Variants in ZBTB7B observed in about 807,000 individuals in gnomAD.
The protein encoded by ZBTB7B is zinc finger and BTB domain-containing protein 7B.
In ZBTB7B, 8 loss-of-function variants were observed where a neutral mutation model predicts 31.0. That is an observed-to-expected ratio of 0.26 (90% CI 0.15 to 0.47). The LOEUF (loss-of-function observed/expected upper bound fraction) is 0.47. Ranked by LOEUF, ZBTB7B falls within the 20% of genes least tolerant of loss-of-function variation. The pLI is 0.99. For missense variants in ZBTB7B, 494 were observed against 742.4 expected (o/e 0.67, Z 3.89); for synonymous variants, 261 against 307.3 (o/e 0.85, Z 1.58).
Position 155,015,590 on chromosome 1 carries a change from C to G in ZBTB7B, c.930C>G (p.Ile310Met). 1 of 1,613,634 alleles carries G rather than the reference C, an allele frequency of 6.2e-7. No homozygotes were observed. Among genetic ancestry groups the G allele is most frequent in the Non-Finnish European group, 8.5e-7 (1 of 1,179,874 alleles). ...AGCTGGGCTCAGATGAGGATGCCAT[C>G]GATCCTGACCTGATGGCCTACCTAA... is the stretch of plus-strand genomic sequence containing the variant. Reference protein sequence around the residue: ...PEELGSDEDAIDPDLMAYLSS... With the variant: ...PEELGSDEDAMDPDLMAYLSS... Residue 310 changes from isoleucine to methionine, a missense_variant, in exon 2 of 3, where the codon ATC becomes ATG. Coordinates refer to ENST00000535420, the MANE Select transcript of ZBTB7B (RefSeq NM_001256455.2).
At chr1:155,002,391 G>A (rs1658282545), upstream of ZBTB7B, among the ~76,000 whole-genome samples, 1 of 149,306 alleles carries the variant, frequency 6.7e-6, no homozygotes, top group Non-Finnish European at 1.5e-5. Context: ...AAAGAAGGAG[G>A]GAAAGGAGGA....
chr1:155,012,605 C>A (rs79174338), intron 1 of ZBTB7B, among the ~76,000 whole-genome samples: 6,060 of 151,920 alleles, frequency 0.04, 416 homozygotes, highest in African/African-American at 0.14. Context: ...TGCGGACTTA[C>A]GGTGGGAACA....
At chr1:155,012,201 G>A (rs1260230143) in intron 1 of ZBTB7B, among the ~76,000 whole-genome samples, 2 of 151,930 alleles carry the variant, frequency 1.3e-5, no homozygotes, top group African/African-American at 4.8e-5. Context: ...ACCACACCAA[G>A]TTGCCACGGA....
Position 155,017,347 on chromosome 1 carries a change from T to TGGGGGCAGTAGAGGGGGCAGTAGA in ZBTB7B, c.*678_*679insGCAGTAGAGGGGGCAGTAGAGGGG, listed in dbSNP as rs148745415. ...GTGGCCTGATTGGCTCGCCTGCCCC[T>TGGGGGCAGTAGAGGGGGCAGTAGA]GGGGGCAGTAGAGGGGCCCCGCCCA... On this transcript the variant is annotated 3_prime_UTR_variant, in exon 3 of 3. Transcript: ENST00000535420. The TGGGGGCAGTAGAGGGGGCAGTAGA allele has an allele frequency of 0.18, 27,043 of 150,830 alleles. 2,633 individuals carry two copies. The highest frequency in any genetic ancestry group is 0.22 in the Non-Finnish European group (15,162 of 67,440). 9.3% of individuals were successfully genotyped at this position (150,830 alleles called of 1,614,324 possible). A position where few individuals can be genotyped will look rare whatever the true frequency, so the allele number is the denominator to read the frequency against.
Position 155,016,550 on chromosome 1 carries a change from C to T in ZBTB7B, c.1485C>T (p.Arg495=), listed in dbSNP as rs755921426. 6.2e-7 allele frequency: 1 copy of T among 1,614,116 alleles called. No individual in the cohort carries two copies. The highest frequency in any genetic ancestry group is 1.1e-5 in the South Asian group (1 of 91,088). Residue 495 remains arginine (R), a synonymous_variant, in exon 3 of 3, where the codon CGC becomes CGT. Coordinates refer to ENST00000535420, the MANE Select transcript of ZBTB7B (RefSeq NM_001256455.2). The surrounding 1 kb of genome is among the most constrained non-coding windows in gnomAD (Gnocchi z 4.3). ...CCAATGGCCACCTGGACACCTTCCG[C>T]CTCTCTCTAGCTCGATTCTGGGAGC... is the stretch of plus-strand genomic sequence containing the variant. The part of the protein sequence containing the change: ...DLSNGHLDTF[R]LSLARFWEQS...
intron 1 of ZBTB7B, among the ~76,000 whole-genome samples, chr1:155,009,353 C>T (rs979967240): frequency 1.3e-5 from 2 of 149,166 alleles, no homozygotes; most frequent in Non-Finnish European, 3.0e-5. Context: ...CCAGCCAGCT[C>T]GGTTACCCAG....
In ZBTB7B at chr1:155,016,361, C is replaced by T; in HGVS notation, c.1296C>T (p.Cys432=). The T allele has an allele frequency of 6.2e-7, 1 of 1,614,134 alleles. No individual in the cohort carries two copies. Among genetic ancestry groups the T allele is most frequent in the Non-Finnish European group, 8.5e-7 (1 of 1,180,006 alleles). ...HLHTGDRPYE[C]HLCHKAFAKE... Reference sequence around the variant, plus strand: ...ACACAGGGGACCGGCCCTATGAGTGCCACCTGTGCCACAAGGCTTTCGCCA... The same window carrying T: ...ACACAGGGGACCGGCCCTATGAGTGTCACCTGTGCCACAAGGCTTTCGCCA... Residue 432 remains cysteine, a synonymous_variant, in exon 3 of 3, where the codon TGC becomes TGT. Transcript: ENST00000535420. This position sits in a 1 kb window ranked among gnomAD's most constrained non-coding sequence, Gnocchi z 4.3.
intron 1 of ZBTB7B, chr1:155,010,921 T>A (rs1658924144): frequency 1.3e-6 from 2 of 1,535,464 alleles, no homozygotes; most frequent in Non-Finnish European, 1.7e-6. Flanking sequence ...GGCAGGAAGA[T>A]GTTACAGCCT....
chr1:155,001,984 C>G (rs1343816321), upstream of ZBTB7B, among the ~76,000 whole-genome samples: 1 of 151,922 alleles, frequency 6.6e-6, no homozygotes, highest in Non-Finnish European at 1.5e-5. The surrounding 1 kb of genome is among the most constrained non-coding windows in gnomAD (Gnocchi z 4.8). Context: ...CCAATTCACC[C>G]CCACCCAGCC....
chr1:155,010,562 T>C (rs1403311239), intron 1 of ZBTB7B, among the ~76,000 whole-genome samples: 1 of 152,106 alleles, frequency 6.6e-6, no homozygotes, highest in African/African-American at 2.4e-5. Context: ...AGTCCTCATG[T>C]GAGAAGAGGC....
Position 155,015,234 on chromosome 1 carries a change from C to A in ZBTB7B, c.574C>A (p.Pro192Thr). Reference sequence around the variant, plus strand: ...GGTGCCCCTCCCACCACCTCCGCCACCGCCACCTCGGCCTGTTGCCCGCCG... The same window carrying A: ...GGTGCCCCTCCCACCACCTCCGCCAACGCCACCTCGGCCTGTTGCCCGCCG... ...PQVPLPPPPP[P>T]PPRPVARRSR... Residue 192 changes from proline to threonine, a missense_variant, in exon 2 of 3, where the codon CCG (proline) becomes ACG (threonine). Pro to Thr is a conservative substitution (Grantham distance 38). Transcript: ENST00000535420. 1 of 1,613,796 alleles carries A rather than the reference C, an allele frequency of 6.2e-7. No individual in the cohort carries two copies. Among genetic ancestry groups the A allele is most frequent in the African/African-American group, 1.3e-5 (1 of 75,054 alleles).
At chr1:155,005,170 G>T (rs1407718874) in intron 1 of ZBTB7B, among the ~76,000 whole-genome samples, 1 of 151,988 alleles carries the variant, frequency 6.6e-6, no homozygotes, top group African/African-American at 2.4e-5. Flanking sequence ...TTGTGTGCCT[G>T]CACTTGGCAC....
rs763172313 is a variant in ZBTB7B, at chr1:155,015,332, C to T, written c.672C>T (p.Pro224=). The change falls in exon 2 of 3, where the codon CCC becomes CCT. Residue 224 remains proline (P), a synonymous_variant. Transcript: ENST00000535420. The part of the protein sequence containing the change: ...ARANHLVPEV[P]TVPAHPLTYE... ...CAAACCACCTAGTCCCTGAGGTGCC[C>T]ACAGTGCCCGCCCATCCCTTGACCT... is the stretch of plus-strand genomic sequence containing the variant. 1.0e-5 allele frequency: 16 copies of T among 1,600,386 alleles called. No homozygotes were observed. In the Middle Eastern group the frequency reaches 6.7e-4, roughly 67 times the overall value.
rs1553257676 is a variant in ZBTB7B, at chr1:155,017,354, A to AGTAGAGGGGC, written c.*670_*679dup. 6.6e-6 allele frequency: 1 copy of AGTAGAGGGGC among 152,290 alleles called. No homozygotes were observed. Among genetic ancestry groups the AGTAGAGGGGC allele is most frequent in the East Asian group, 1.9e-4 (1 of 5,176 alleles). The allele number at this position is 152,290 out of a possible 1,614,324, so 9.4% of individuals were successfully genotyped here. ...GATTGGCTCGCCTGCCCCTGGGGGCAGTAGAGGGGCCCCGCCCAGCTAGGG... is the reference window on the plus strand; with the variant it reads ...GATTGGCTCGCCTGCCCCTGGGGGCAGTAGAGGGGCGTAGAGGGGCCCCGCCCAGCTAGGG... On this transcript the variant is annotated 3_prime_UTR_variant, in exon 3 of 3. Coordinates refer to ENST00000535420, the MANE Select transcript of ZBTB7B (RefSeq NM_001256455.2).
intron 1 of ZBTB7B, chr1:155,010,867 C>G (rs1658920074): frequency 1.3e-6 from 2 of 1,490,588 alleles, no homozygotes; most frequent in Admixed American, 3.9e-5. Context: ...CCAGCCAAGG[C>G]ACCAGGAGCG....
chr1:155,013,179 C>G (rs75788594), intron 1 of ZBTB7B, among the ~76,000 whole-genome samples: 5,611 of 152,276 alleles, frequency 0.037, 348 homozygotes, highest in African/African-American at 0.13. Flanking sequence ...TTAACCCTCA[C>G]CACAACCCTA....
In ZBTB7B at chr1:155,002,866, C is replaced by T. The variant is rs979550580; in HGVS notation, c.-84C>T. On this transcript the variant is annotated 5_prime_UTR_variant, in exon 1 of 3. Transcript: ENST00000535420. Reference sequence around the variant, plus strand: ...AGGACCGGAGCAGGGCCCCAAGCCCCCGGGCCTGGTGGGGGACGCGCTTCT... The same window carrying T: ...AGGACCGGAGCAGGGCCCCAAGCCCTCGGGCCTGGTGGGGGACGCGCTTCT... The T allele has an allele frequency of 3.9e-5, 6 of 152,718 alleles. No homozygotes were observed. The highest frequency in any genetic ancestry group is 2.0e-4 in the South Asian group (1 of 5,032). The allele number at this position is 152,718 out of a possible 1,614,324, so 9.5% of individuals were successfully genotyped here. A position where few individuals can be genotyped will look rare whatever the true frequency, so the allele number is the denominator to read the frequency against.
chr1:155,012,340 C>T (rs1035902247), intron 1 of ZBTB7B, among the ~76,000 whole-genome samples: 1 of 151,540 alleles, frequency 6.6e-6, no homozygotes, highest in Non-Finnish European at 1.5e-5. Context: ...CAATGGACAG[C>T]GAGGACAGCC....
In ZBTB7B at chr1:155,003,713, G is replaced by C. The variant is rs759059776; in HGVS notation, c.-7+770G>C. On this transcript the variant is annotated intron_variant, in intron 1 of 2. Coordinates refer to ENST00000535420, the MANE Select transcript of ZBTB7B (RefSeq NM_001256455.2). The surrounding 1 kb of genome is among the most constrained non-coding windows in gnomAD (Gnocchi z 5.8). ...TACCCGTCCCCCCACCGGCGCCGGC[G>C]CACCTGCCCCAGCCCAGAGTGGGGG... 5.9e-5 allele frequency among the ~76,000 whole-genome samples: 9 copies of C among 152,214 alleles called. No homozygotes were observed. Among genetic ancestry groups the C allele is most frequent in the Non-Finnish European group, 1.5e-5 (1 of 68,030 alleles).
Sources: allele counts gnomAD v4.1 joint callset (sites outside exome capture counted in the v4.1 genomes callset), GRCh38; gene constraint gnomAD v4.1.1; non-coding constraint Gnocchi (gnomAD v3.1); transcripts MANE v1.5; gene names NCBI Gene and HGNC (gene_info 2026-07-23, HGNC 2026-07-21).